Variants in THAP12 observed in about 807,000 individuals in gnomAD.
THAP12 encodes THAP domain containing 12.
Under a neutral mutation model 63.0 loss-of-function variants are expected in THAP12, and 20 were observed. The ratio of observed to expected loss-of-function variants is 0.32; its 90% confidence interval spans 0.22 to 0.46. The LOEUF is 0.46. Ranked by LOEUF, THAP12 falls within the 20% of genes least tolerant of loss-of-function variation. The pLI is 1.00. For synonymous variants in THAP12, 264 were observed against 328.4 expected (o/e 0.80, Z 2.12); for missense variants, 568 against 908.2 (o/e 0.63, Z 4.81).
chr11:76,362,691 C>T (rs1946605530), intron 2 of THAP12, among the ~76,000 whole-genome samples: 1 of 152,140 alleles, frequency 6.6e-6, no homozygotes, highest in African/African-American at 2.4e-5. Flanking sequence ...ACAGTCAATT[C>T]TTGATATCTT....
chr11:76,358,707 C>T (rs927367761), intron 3 of THAP12: 1 of 151,998 alleles, frequency 6.6e-6, no homozygotes, highest in Non-Finnish European at 1.5e-5. Flanking sequence ...ACTTGGGAGG[C>T]TGAGGTAAGA....
Position 76,350,971 on chromosome 11 carries a change from A to T in THAP12, c.2179T>A (p.Phe727Ile). The T allele has an allele frequency of 6.2e-7, 1 of 1,611,508 alleles. No homozygotes were observed. The highest frequency in any genetic ancestry group is 8.5e-7 in the Non-Finnish European group (1 of 1,179,638). Residue 727 changes from phenylalanine (F) to isoleucine (I), a missense_variant, in exon 5 of 5, where the codon TTT becomes ATT. Coordinates refer to ENST00000260045, the MANE Select transcript of THAP12 (RefSeq NM_004705.4). Reference sequence around the variant, plus strand: ...AAATCCAGGTCGTGTTTTATATCAAAATTTATGTTAAGCAAAGCCAAGTTA... The same window carrying T: ...AAATCCAGGTCGTGTTTTATATCAATATTTATGTTAAGCAAAGCCAAGTTA... The part of the protein sequence containing the change: ...SSNLALLNIN[F>I]DIKHDLDLMV...
intron 2 of THAP12, among the ~76,000 whole-genome samples, chr11:76,365,056 G>A (rs1281969982): frequency 5.9e-5 from 9 of 152,230 alleles, no homozygotes; most frequent in Admixed American, 1.3e-4. Flanking sequence ...CGAGGTGGGC[G>A]GGTCACTTGA....
At chr11:76,375,174 A>G (rs750459299) in intron 1 of THAP12, among the ~76,000 whole-genome samples, 9 of 152,320 alleles carry the variant, frequency 5.9e-5, no homozygotes, top group Admixed American at 2.0e-4. Context: ...TTAAATTGCC[A>G]GAAGAACCTT....
Position 76,351,199 on chromosome 11 carries a change from G to C in THAP12, c.1951C>G (p.His651Asp). Residue 651 changes from histidine (H) to aspartate (D), a missense_variant, in exon 5 of 5, where the codon CAC (histidine) becomes GAC (aspartate). Coordinates refer to ENST00000260045, the MANE Select transcript of THAP12 (RefSeq NM_004705.4). ...ELHCWRIKWK[H>D]RGKDIELPST... ...GGAAGCTCTATATCTTTCCCCCTGTGTTTCCATTTGATTCTCCAACAATGA... is the reference window on the plus strand; with the variant it reads ...GGAAGCTCTATATCTTTCCCCCTGTCTTTCCATTTGATTCTCCAACAATGA... 1 of 1,559,688 alleles carries C rather than the reference G, an allele frequency of 6.4e-7. No individual in the cohort carries two copies. The highest frequency in any genetic ancestry group is 8.7e-7 in the Non-Finnish European group (1 of 1,154,078).
chr11:76,365,970 C>T lies in THAP12; in HGVS notation c.92G>A (p.Cys31Tyr). 2 of 1,610,404 alleles carry T rather than the reference C, an allele frequency of 1.2e-6. No individual in the cohort carries two copies. The highest frequency in any genetic ancestry group is 1.7e-6 in the Non-Finnish European group (2 of 1,179,124). The change falls in exon 2 of 5, where the codon TGC (cysteine) becomes TAC (tyrosine). Residue 31 changes from cysteine to tyrosine, a missense_variant and splice_region_variant. By Grantham distance (194) the Cys-to-Tyr change is radical (BLOSUM62 -2). Transcript: ENST00000260045. ...CCTACAGTTCTCCACCCACTTCTGGCATCTATAAATAAAACCAAAATACAA... is the reference window on the plus strand; with the variant it reads ...CCTACAGTTCTCCACCCACTTCTGGTATCTATAAATAAAACCAAAATACAA... The part of the protein sequence containing the change: ...FFRFPRDPAR[C>Y]QKWVENCRRA...
In THAP12 at chr11:76,355,665, A is replaced by G. The variant is rs777057376; in HGVS notation, c.319-11T>C. The G allele has an allele frequency of 1.9e-6, 3 of 1,569,486 alleles. No homozygotes were observed. In the African/African-American group the frequency reaches 4.1e-5, roughly 22 times the overall value. On this transcript the variant is annotated splice_polypyrimidine_tract_variant and intron_variant, in intron 3 of 4. Coordinates refer to ENST00000260045, the MANE Select transcript of THAP12 (RefSeq NM_004705.4). ...GATTTCATCTTCACTCTAAATGTCA[A>G]GAAAAAAAAAGAAAAAAACAAATCA... is the stretch of plus-strand genomic sequence containing the variant.
chr11:76,368,101 C>T (rs550396988), intron 1 of THAP12, among the ~76,000 whole-genome samples: 1 of 152,248 alleles, frequency 6.6e-6, no homozygotes, highest in South Asian at 2.1e-4. Context: ...TCTCTGGAGA[C>T]CTTCCACACA....
intron 1 of THAP12, among the ~76,000 whole-genome samples, chr11:76,366,276 A>C (rs3824908): frequency 0.19 from 29,315 of 152,144 alleles, 3,386 homozygotes; most frequent in Admixed American, 0.33. Flanking sequence ...AGAAGATTCA[A>C]CCATCAGCAG....
chr11:76,361,187 C>A (rs894875934), intron 2 of THAP12, 124 bp from the exon 3 acceptor site: 6 of 626,734 alleles, frequency 9.6e-6, no homozygotes, highest in Non-Finnish European at 1.6e-5. Flanking sequence ...TAGAGACTTA[C>A]AGAATTTGAT....
intron 1 of THAP12, among the ~76,000 whole-genome samples, chr11:76,379,014 C>A (rs1946730676): frequency 6.6e-6 from 1 of 152,136 alleles, no homozygotes. Flanking sequence ...CAAATGCTCA[C>A]GTTAAAAATC....
Position 76,365,959 on chromosome 11 carries a change from C to T in THAP12, c.103G>A (p.Val35Met), listed in dbSNP as rs770495108. The T allele has an allele frequency of 6.2e-7, 1 of 1,612,718 alleles. No homozygotes were observed. The highest frequency in any genetic ancestry group is 8.5e-7 in the Non-Finnish European group (1 of 1,179,618). ...AAGTCTGCTCTCCTACAGTTCTCCA[C>T]CCACTTCTGGCATCTATAAATAAAA... is the stretch of plus-strand genomic sequence containing the variant. ...PRDPARCQKWVENCRRADLED... is the reference protein window; with the variant it reads ...PRDPARCQKWMENCRRADLED... The change falls in exon 2 of 5, where the codon GTG (valine) becomes ATG (methionine). Residue 35 changes from valine to methionine, a missense_variant. Transcript: ENST00000260045.
chr11:76,364,670 G>A (rs1221609712), intron 2 of THAP12, among the ~76,000 whole-genome samples: 1 of 152,170 alleles, frequency 6.6e-6, no homozygotes, highest in Non-Finnish European at 1.5e-5. Context: ...AGGAACTGGG[G>A]CCCAAAGAGG....
intron 2 of THAP12, among the ~76,000 whole-genome samples, chr11:76,364,748 A>C (rs1946619903): frequency 6.6e-6 from 1 of 152,214 alleles, no homozygotes; most frequent in Non-Finnish European, 1.5e-5. Flanking sequence ...ATTATTGATG[A>C]AAATGTTTTT....
chr11:76,359,387 T>C (rs1946582812), intron 3 of THAP12: 1 of 152,216 alleles, frequency 6.6e-6, no homozygotes, highest in South Asian at 2.1e-4. Context: ...GTTTATACTG[T>C]AACAGTAAAC....
rs1207878810 is a variant in THAP12 at position 76,361,107 on chromosome 11, T to C, written c.211-44A>G. 4.1e-6 allele frequency: 5 copies of C among 1,227,994 alleles called. No homozygotes were observed. The Admixed American group carries it at 5.3e-5, about 13-fold the overall frequency. The allele number at this position is 1,227,994 out of a possible 1,614,324, so 76.1% of individuals were successfully genotyped here. ...TTAATTCAGAGATGGTCCTTATAAA[T>C]ATATTACACATCAATAAAATTCTAT... On this transcript the variant is annotated intron_variant, in intron 2 of 4. Coordinates refer to ENST00000260045, the MANE Select transcript of THAP12 (RefSeq NM_004705.4).
chr11:76,367,023 A>T (rs1946635958), intron 1 of THAP12, among the ~76,000 whole-genome samples: 1 of 152,146 alleles, frequency 6.6e-6, no homozygotes, highest in Non-Finnish European at 1.5e-5. Flanking sequence ...AAGGCACAGA[A>T]ATATTAAGTA....
Position 76,350,754 on chromosome 11 carries a change from T to G in THAP12, c.*110A>C, listed in dbSNP as rs1946520105. The G allele has an allele frequency of 8.8e-7, 1 of 1,139,960 alleles. No individual in the cohort carries two copies. The highest frequency in any genetic ancestry group is 1.2e-6 in the Non-Finnish European group (1 of 848,204). 70.6% of individuals were successfully genotyped at this position (1,139,960 alleles called of 1,614,324 possible). A position where few individuals can be genotyped will look rare whatever the true frequency, so the allele number is the denominator to read the frequency against. On this transcript the variant is annotated 3_prime_UTR_variant, in exon 5 of 5. Transcript: ENST00000260045. ...AGGTAGATTATCAATGGCTAATGTA[T>G]TCAATGGAGTCCTATAGGCAAAGAT...
At chr11:76,373,909 T>C (rs1356540356) in intron 1 of THAP12, among the ~76,000 whole-genome samples, 1 of 152,308 alleles carries the variant, frequency 6.6e-6, no homozygotes, top group Admixed American at 6.5e-5. Flanking sequence ...ACCAACCTTA[T>C]GTTAACACAA....
Sources: gnomAD v4.1 joint callset for allele counts (sites outside exome capture counted in the v4.1 genomes callset) on GRCh38, gnomAD v4.1.1 for gene constraint, MANE v1.5 for transcripts, NCBI Gene and HGNC (gene_info 2026-07-23, HGNC 2026-07-21) for gene names.